Variants in BRAF observed in about 807,000 individuals in gnomAD.
BRAF encodes the protein serine/threonine-protein kinase B-raf.
Under a neutral mutation model 104.6 loss-of-function variants are expected in BRAF, and 16 were observed. The ratio of observed to expected loss-of-function variants is 0.15; its 90% confidence interval spans 0.10 to 0.23. BRAF has a LOEUF of 0.23. Among genes scored for constraint, BRAF ranks in the 10% least tolerant of loss-of-function variants. The probability of loss-of-function intolerance (pLI) is 1.00; values close to 1 mark genes in which losing one functional copy is unlikely to be tolerated. For synonymous variants in BRAF, 310 were observed against 341.6 expected (o/e 0.91, Z 1.02); for missense variants, 541 against 937.3 (o/e 0.58, Z 5.52).
chr7:140,779,741 T>A (rs1287008356), intron 12 of BRAF: 1 of 152,240 alleles, frequency 6.6e-6, no homozygotes, highest in African/African-American at 2.4e-5. Context: ...GAGAACAGCC[T>A]GGCCAACATG....
Position 140,733,969 on chromosome 7 carries a change from C to T in BRAF, c.2401+648G>A, listed in dbSNP as rs57038951. 0.017 allele frequency: 17,300 copies of T among 1,015,548 alleles called. 2,186 individuals are homozygous for T. The African/African-American group carries it at 0.27, about 16-fold the overall frequency. 62.9% of individuals were successfully genotyped at this position (1,015,548 alleles called of 1,614,324 possible). On this transcript the variant is annotated intron_variant, in intron 19 of 19. Coordinates refer to ENST00000644969, the MANE Select transcript of BRAF (RefSeq NM_001374258.1). Reference sequence around the variant, plus strand: ...GTTAAGACATTTTACTCATGTCAAACGTGCCACTCCTCAGCAATATTTTTG... The same window carrying T: ...GTTAAGACATTTTACTCATGTCAAATGTGCCACTCCTCAGCAATATTTTTG...
intron 3 of BRAF, among the ~76,000 whole-genome samples, chr7:140,824,760 G>A (rs1805834312): frequency 6.6e-6 from 1 of 151,844 alleles, no homozygotes; most frequent in African/African-American, 2.4e-5. Flanking sequence ...AGCAGTGTAC[G>A]GAAATTCTAG....
In BRAF at chr7:140,725,125, A is replaced by G; in HGVS notation, c.*1369T>C. 1 of 1,040,728 alleles carries G rather than the reference A, an allele frequency of 9.6e-7. No homozygotes were observed. Among genetic ancestry groups the G allele is most frequent in the Non-Finnish European group, 1.2e-6 (1 of 863,788 alleles). The allele number at this position is 1,040,728 out of a possible 1,614,324, so 64.5% of individuals were successfully genotyped here. ...TTTTGAAGACCAGGCTTGGGAAAAA[A>G]GGAAGAAGGAGAATGAATGGAGACG... On this transcript the variant is annotated 3_prime_UTR_variant, in exon 20 of 20. Transcript: ENST00000644969.
At chr7:140,791,362 C>A (rs911558085) in intron 8 of BRAF, among the ~76,000 whole-genome samples, 1 of 152,274 alleles carries the variant, frequency 6.6e-6, no homozygotes, top group South Asian at 2.1e-4. Context: ...GCAACTGACA[C>A]CAACTACTTT....
intron 1 of BRAF, among the ~76,000 whole-genome samples, chr7:140,854,232 G>A (rs143290725): frequency 1.4e-3 from 210 of 152,184 alleles, no homozygotes; most frequent in Middle Eastern, 0.014. Context: ...TGATCAACTC[G>A]GCAAAACTGT....
At position 140,723,106 on chromosome 7, in the gene BRAF, C is replaced by T; in HGVS notation, c.*3388G>A. 1 of 1,051,388 alleles carries T rather than the reference C, an allele frequency of 9.5e-7. No homozygotes were observed. Among genetic ancestry groups the T allele is most frequent in the Non-Finnish European group, 1.1e-6 (1 of 870,674 alleles). 65.1% of individuals were successfully genotyped at this position (1,051,388 alleles called of 1,614,324 possible). ...AGTTTTTTGTAGAGGTCACCTGAAC[C>T]CTGCAATGTGGTTTCGAACTAAAGC... On this transcript the variant is annotated 3_prime_UTR_variant, in exon 20 of 20. Coordinates refer to ENST00000644969, the MANE Select transcript of BRAF (RefSeq NM_001374258.1).
In BRAF at chr7:140,749,307, T is replaced by G. The variant is rs1243095331; in HGVS notation, c.2092A>C (p.Asn698His). The change falls in exon 17 of 20, where the codon AAC becomes CAC. Residue 698 changes from asparagine to histidine, a missense_variant. Coordinates refer to ENST00000644969, the MANE Select transcript of BRAF (RefSeq NM_001374258.1). ...ELMTGQLPYS[N>H]INNRDQIIFM... is the part of the protein sequence containing the mutation. ...TTTACCTGGTCCCTGTTGTTGATGT[T>G]TGAATAAGGTAACTGTCCAGTCATC... 6.2e-7 allele frequency: 1 copy of G among 1,611,726 alleles called. No homozygotes were observed.
rs371164915 is a variant in BRAF at position 140,851,432 on chromosome 7, G to T, written c.139-1220C>A. On this transcript the variant is annotated intron_variant, in intron 1 of 19. Transcript: ENST00000644969. ...TCAGATATCAATTTTTAAATGTACT[G>T]GGAAATAAATGAAAAAAAAGAGTTC... 7.2e-5 allele frequency among the ~76,000 whole-genome samples: 11 copies of T among 151,986 alleles called. No homozygotes were observed. In the East Asian group the frequency reaches 9.6e-4, roughly 13 times the overall value.
At chr7:140,921,615 A>G (rs1818232419) in intron 1 of BRAF, among the ~76,000 whole-genome samples, 1 of 152,158 alleles carries the variant, frequency 6.6e-6, no homozygotes, top group Non-Finnish European at 1.5e-5. Context: ...ATAGTGTTAT[A>G]AAAGCATTAA....
At chr7:140,781,754 C>T in intron 11 of BRAF, 61 bp from the exon 11 acceptor site, 2 of 1,338,642 alleles carry the variant, frequency 1.5e-6, no homozygotes, top group Non-Finnish European at 2.1e-6. Flanking sequence ...CCTTATGTTT[C>T]ACCCTAAGTA....
At chr7:140,868,517 T>C (rs1811219302) in intron 1 of BRAF, among the ~76,000 whole-genome samples, 1 of 151,678 alleles carries the variant, frequency 6.6e-6, no homozygotes, top group Non-Finnish European at 1.5e-5. Context: ...TATAAAATGG[T>C]CCAGAATAGA....
At chr7:140,774,663 A>G (rs1011114793) in intron 14 of BRAF, among the ~76,000 whole-genome samples, 2 of 152,154 alleles carry the variant, frequency 1.3e-5, no homozygotes, top group African/African-American at 4.8e-5. Flanking sequence ...ACTACAGGCA[A>G]GTGCCACCAC....
intron 12 of BRAF, chr7:140,779,689 T>C (rs776376535): frequency 4.6e-5 from 7 of 152,184 alleles, no homozygotes; most frequent in Non-Finnish European, 1.0e-4. Flanking sequence ...TCCCAGCACT[T>C]TGGAAGGCCA....
intron 1 of BRAF, among the ~76,000 whole-genome samples, chr7:140,886,675 T>C (rs1315682145): frequency 6.6e-6 from 1 of 152,210 alleles, no homozygotes; most frequent in East Asian, 1.9e-4. Context: ...CTCATCACCC[T>C]TCTTCCCAAT....
At chr7:140,811,927 T>A (rs1804311639) in intron 3 of BRAF, among the ~76,000 whole-genome samples, 9 of 152,118 alleles carry the variant, frequency 5.9e-5, no homozygotes. Flanking sequence ...AATAATAAAC[T>A]TAAGTGAAAG....
rs2129062099 is a variant in BRAF, at chr7:140,834,730, A to T, written c.383T>A (p.Leu128His). ...DTVTSSSSSS[L>H]SVLPSSLSVF... ...TGAAAGAGATGAAGGTAGCACTGAA[A>T]GGCTAGAAGAGGAAGAAGATGTAAC... The change falls in exon 3 of 20, where the codon CTT becomes CAT. Residue 128 changes from leucine to histidine, a missense_variant. Physicochemically the swap from Leu to His is moderately conservative, Grantham distance 99. Around this residue, in one of 10 missense-constraint regions of BRAF, gnomAD observed 86 missense variants for 133.9 expected, o/e 0.64. Transcript: ENST00000644969. 4 of 1,614,172 alleles carry T rather than the reference A, an allele frequency of 2.5e-6. No individual in the cohort carries two copies. Among genetic ancestry groups the T allele is most frequent in the Non-Finnish European group, 2.5e-6 (3 of 1,180,004 alleles).
chr7:140,818,850 T>C (rs546238176), intron 3 of BRAF, among the ~76,000 whole-genome samples: 2 of 152,218 alleles, frequency 1.3e-5, no homozygotes, highest in Non-Finnish European at 2.9e-5. Flanking sequence ...ATTTTGAAGA[T>C]AGCTTATCTA....
intron 1 of BRAF, among the ~76,000 whole-genome samples, chr7:140,923,958 G>A (rs1818552048): frequency 6.6e-6 from 1 of 152,126 alleles, no homozygotes; most frequent in Admixed American, 6.5e-5. Flanking sequence ...AAAAGGCATC[G>A]GAAACTGCGA....
intron 17 of BRAF, chr7:140,747,324 C>T: frequency 8.9e-7 from 1 of 1,118,228 alleles, no homozygotes; most frequent in Non-Finnish European, 1.1e-6. Flanking sequence ...CCAGAAGGTT[C>T]TAACTATACT....
Sources: gnomAD v4.1 joint callset for allele counts (sites outside exome capture counted in the v4.1 genomes callset) on GRCh38, gnomAD v4.1.1 for gene constraint, gnomAD v4.1.1 regional missense constraint, MANE v1.5 for transcripts, NCBI Gene and HGNC (gene_info 2026-07-23, HGNC 2026-07-21) for gene names.